CFAP70: variants seen among roughly 807,000 people sequenced by gnomAD.
CFAP70 encodes cilia- and flagella-associated protein 70.
CFAP70 carries 81 observed loss-of-function variants against 137.6 expected under a neutral mutation model. That is an observed-to-expected ratio of 0.59 (90% CI 0.49 to 0.71). The LOEUF (loss-of-function observed/expected upper bound fraction) is 0.71, where lower values mean the gene tolerates loss of function less well. Ranked by LOEUF, CFAP70 falls within the 30% of genes least tolerant of loss-of-function variation. The pLI is 0.00. For missense variants in CFAP70, 976 were observed against 1,226.7 expected, an observed-to-expected ratio of 0.80 and a Z score of 3.05; for synonymous variants, 382 against 423.6, an observed-to-expected ratio of 0.90 and a Z score of 1.20.
At chr10:73,360,208 G>A (rs1473581674), upstream of CFAP70, among the ~76,000 whole-genome samples, 1 of 152,166 alleles carries the variant, frequency 6.6e-6, no homozygotes, top group Non-Finnish European at 1.5e-5. Flanking sequence ...TTTGTTTGTT[G>A]TTAGGTAGGA....
chr10:73,326,110 A>G (rs56997085), intron 8 of CFAP70, among the ~76,000 whole-genome samples: 15,857 of 151,826 alleles, frequency 0.1, 1,194 homozygotes, highest in East Asian at 0.3. Context: ...CAGCAAATGT[A>G]AAAGAACAGA....
At chr10:73,254,903 A>G (rs971382467) in intron 26 of CFAP70, among the ~76,000 whole-genome samples, 3 of 152,212 alleles carry the variant, frequency 2.0e-5, no homozygotes, top group African/African-American at 7.2e-5. Flanking sequence ...TGGACTTTTC[A>G]TTAGATGAGA....
intron 8 of CFAP70, among the ~76,000 whole-genome samples, chr10:73,325,448 C>T (rs1306227623): frequency 6.6e-6 from 1 of 152,162 alleles, no homozygotes; most frequent in Non-Finnish European, 1.5e-5. Context: ...AAATAACCAG[C>T]TAACATCATA....
rs148797297 is a variant in CFAP70, at chr10:73,299,072, C to G, written c.1347G>C (p.Lys449Asn). 117 of 1,613,656 alleles carry G rather than the reference C, an allele frequency of 7.3e-5. No individual in the cohort carries two copies. The African/African-American group carries it at 1.4e-3, about 20-fold the overall frequency. The change falls in exon 14 of 27, where the codon AAG becomes AAC. Residue 449 changes from lysine to asparagine, a missense_variant. Coordinates refer to ENST00000310715, the Ensembl canonical transcript of CFAP70. Reference sequence around the variant, plus strand: ...CATCTAGAATGGCTCTAGAAATATTCTTGATCTGTATGTGGTAGTCACTCA... The same window carrying G: ...CATCTAGAATGGCTCTAGAAATATTGTTGATCTGTATGTGGTAGTCACTCA...
chr10:73,264,203 T>C (rs945349513), intron 25 of CFAP70, among the ~76,000 whole-genome samples: 1 of 152,178 alleles, frequency 6.6e-6, no homozygotes. Context: ...TCTGGAATTT[T>C]GGCCATCTTC....
chr10:73,264,113 G>A (rs1207089363), intron 25 of CFAP70, among the ~76,000 whole-genome samples: 1 of 152,070 alleles, frequency 6.6e-6, no homozygotes, highest in Non-Finnish European at 1.5e-5. Flanking sequence ...GTTTTGATAT[G>A]TGCCAGTCTT....
intron 1 of CFAP70, among the ~76,000 whole-genome samples, chr10:73,355,659 T>A (rs2054619773): frequency 1.3e-5 from 2 of 152,078 alleles, no homozygotes; most frequent in Admixed American, 6.6e-5. Context: ...TGCCTGTAAG[T>A]CCCAGCTACT....
chr10:73,320,465 A>C (rs1400445621), intron 9 of CFAP70, among the ~76,000 whole-genome samples: 1 of 151,944 alleles, frequency 6.6e-6, no homozygotes, highest in South Asian at 2.1e-4. Flanking sequence ...CTGGGACTAC[A>C]GGAATGTGCC....
chr10:73,297,241 T>C, intron 14 of CFAP70, 68 bp from the exon 16 acceptor site: 1 of 1,503,618 alleles, frequency 6.7e-7, no homozygotes, highest in African/African-American at 1.4e-5. Flanking sequence ...CGGGTCTCTC[T>C]AGGGCTTTCT....
At chr10:73,333,434 G>A (rs573801066) in intron 7 of CFAP70, among the ~76,000 whole-genome samples, 1 of 150,758 alleles carries the variant, frequency 6.6e-6, no homozygotes, top group South Asian at 2.1e-4. Context: ...GCAGAATAAG[G>A]ACAAAAACAA....
intron 9 of CFAP70, among the ~76,000 whole-genome samples, chr10:73,317,987 T>C (rs1217452519): frequency 6.6e-6 from 1 of 152,194 alleles, no homozygotes; most frequent in Non-Finnish European, 1.5e-5. Context: ...CTCTCTTTTA[T>C]GCTCTTTCTC....
intron 13 of CFAP70, 55 bp downstream of exon 14, chr10:73,299,550 G>GTGCATGCACTTGTTAAT: frequency 1.4e-6 from 2 of 1,397,950 alleles, no homozygotes; most frequent in Non-Finnish European, 2.0e-6. Flanking sequence ...CAATTAACAA[G>GTGCATGCACTTGTTAAT]TGCATGCACT....
intron 8 of CFAP70, 64 bp downstream of exon 9, chr10:73,331,113 A>T (rs1200914797): frequency 8.8e-7 from 1 of 1,140,026 alleles, no homozygotes; most frequent in African/African-American, 1.6e-5. Flanking sequence ...GAATTGAAGC[A>T]GAATAACAGG....
chr10:73,293,238 A>G, intron 16 of CFAP70, 25 bp downstream of exon 17: 1 of 1,583,976 alleles, frequency 6.3e-7, no homozygotes, highest in Non-Finnish European at 8.6e-7. Flanking sequence ...TAATAGTAAC[A>G]ATCACTGGGA....
At chr10:73,293,158 G>A (rs1323468245) in intron 16 of CFAP70, 105 bp downstream of exon 17, 1 of 1,294,502 alleles carries the variant, frequency 7.7e-7, no homozygotes, top group Admixed American at 2.6e-5. Flanking sequence ...TGTTCTATGT[G>A]TCTACCCTTT....
intron 25 of CFAP70, among the ~76,000 whole-genome samples, chr10:73,257,342 A>G (rs2044623049): frequency 6.6e-6 from 1 of 152,334 alleles, no homozygotes; most frequent in Non-Finnish European, 1.5e-5. Flanking sequence ...GAAGATCTGG[A>G]TATGAGATAA....
At chr10:73,329,377 T>A (rs1307783901) in intron 8 of CFAP70, among the ~76,000 whole-genome samples, 2 of 152,052 alleles carry the variant, frequency 1.3e-5, no homozygotes, top group Non-Finnish European at 2.9e-5. Context: ...CATTAAGAGA[T>A]ATACCTAATG....
At chr10:73,285,662 T>C (rs574129892) in intron 19 of CFAP70, among the ~76,000 whole-genome samples, 2 of 145,308 alleles carry the variant, frequency 1.4e-5, no homozygotes, top group African/African-American at 2.6e-5. Flanking sequence ...TGAGACGGAG[T>C]CTCACTCTGT....
intron 7 of CFAP70, among the ~76,000 whole-genome samples, chr10:73,332,946 A>T (rs2052270464): frequency 6.6e-6 from 1 of 152,238 alleles, no homozygotes; most frequent in African/African-American, 2.4e-5. Context: ...CTAGACTAAG[A>T]TATGACATAG....
Sources: gnomAD v4.1 joint callset for allele counts (sites outside exome capture counted in the v4.1 genomes callset) on GRCh38, gnomAD v4.1.1 for gene constraint, MANE v1.5 for transcripts, NCBI Gene and HGNC (gene_info 2026-07-23, HGNC 2026-07-21) for gene names.